The following NUBPL variants were observed in gnomAD, a reference collection of about 807,000 sequenced individuals.
The protein encoded by NUBPL is NUBP iron-sulfur cluster assembly factor, mitochondrial, also known as iron-sulfur cluster transfer protein NUBPL.
A neutral mutation model predicts 45.7 loss-of-function variants in NUBPL; 31 were observed. The observed-to-expected ratio is 0.68, with a 90% CI of 0.51 to 0.92. NUBPL has a LOEUF of 0.92. Ranked by LOEUF, NUBPL falls within the 40% of genes least tolerant of loss-of-function variation. The pLI is 0.00. For missense variants in NUBPL, 401 were observed against 398.7 expected (o/e 1.01, Z -0.05); for synonymous variants, 144 against 140.9 (o/e 1.02, Z -0.15).
intron 7 of NUBPL, among the ~76,000 whole-genome samples, chr14:31,798,358 G>T (rs2039508736): frequency 8.1e-6 from 1 of 124,038 alleles, no homozygotes; most frequent in Non-Finnish European, 1.6e-5. Flanking sequence ...GTCAGTTGAT[G>T]CCTTTTAGTA....
chr14:31,631,486 C>A (rs1204740438), intron 4 of NUBPL, among the ~76,000 whole-genome samples: 2 of 151,534 alleles, frequency 1.3e-5, no homozygotes, highest in East Asian at 3.9e-4. Context: ...ACACACACCC[C>A]CACCCCACCC....
At chr14:31,669,812 T>G (rs1474055322) in intron 4 of NUBPL, among the ~76,000 whole-genome samples, 3 of 148,410 alleles carry the variant, frequency 2.0e-5, no homozygotes, top group Non-Finnish European at 4.5e-5. Flanking sequence ...TTTTTTTGTT[T>G]TTTTTTTTTT....
intron 3 of NUBPL, among the ~76,000 whole-genome samples, chr14:31,582,874 T>A (rs549244086): frequency 2.0e-5 from 3 of 152,262 alleles, no homozygotes; most frequent in Non-Finnish European, 4.4e-5. Flanking sequence ...AAAGGAAAAT[T>A]TGAAGATTTA....
intron 4 of NUBPL, among the ~76,000 whole-genome samples, chr14:31,618,882 TG>T (rs1322937492): frequency 6.6e-6 from 1 of 152,120 alleles, no homozygotes; most frequent in African/African-American, 2.4e-5. Context: ...ATATTGACAG[TG>T]GGGTGTTAAA....
intron 6 of NUBPL, among the ~76,000 whole-genome samples, chr14:31,740,955 C>T (rs2038269918): frequency 6.6e-6 from 1 of 152,204 alleles, no homozygotes; most frequent in South Asian, 2.1e-4. Flanking sequence ...TCTTCTCCAG[C>T]ATTTCTTTTT....
intron 6 of NUBPL, among the ~76,000 whole-genome samples, chr14:31,741,017 T>C (rs1215360380): frequency 6.6e-6 from 1 of 152,218 alleles, no homozygotes; most frequent in African/African-American, 2.4e-5. Context: ...TTGCACACTG[T>C]TTACTTTGTC....
At chr14:31,768,967 G>C (rs965895442) in intron 6 of NUBPL, among the ~76,000 whole-genome samples, 1 of 152,164 alleles carries the variant, frequency 6.6e-6, no homozygotes, top group Admixed American at 6.5e-5. Context: ...TTTGGGCCAA[G>C]CTTGAGGATT....
chr14:31,731,987 G>C (rs1305118251), intron 6 of NUBPL, among the ~76,000 whole-genome samples: 1 of 151,798 alleles, frequency 6.6e-6, no homozygotes, highest in Admixed American at 6.6e-5. Context: ...CGGATCACGA[G>C]GTCAGGAGAG....
intron 8 of NUBPL, among the ~76,000 whole-genome samples, chr14:31,829,522 T>G (rs1336863908): frequency 2.0e-5 from 3 of 152,186 alleles, no homozygotes; most frequent in South Asian, 4.1e-4. Context: ...CCTCTGGGCC[T>G]TAAGAGCCAG....
At chr14:31,698,047 C>A (rs2037251869) in intron 6 of NUBPL, among the ~76,000 whole-genome samples, 1 of 152,048 alleles carries the variant, frequency 6.6e-6, no homozygotes, top group South Asian at 2.1e-4. Context: ...AGATTATGAC[C>A]TCTTTTTACT....
chr14:31,779,744 G>C (rs796987282), intron 6 of NUBPL, among the ~76,000 whole-genome samples: 64 of 152,320 alleles, frequency 4.2e-4, no homozygotes, highest in African/African-American at 1.5e-3. Flanking sequence ...ACAGTGCACA[G>C]AGTTACAATC....
chr14:31,678,172 G>T (rs1189672858), intron 6 of NUBPL, among the ~76,000 whole-genome samples: 1 of 152,134 alleles, frequency 6.6e-6, no homozygotes, highest in African/African-American at 2.4e-5. Flanking sequence ...GGTGAAGGTT[G>T]TCAGGCCTGA....
Position 31,748,681 on chromosome 14 carries a change from C to T in NUBPL, c.514-39099C>T, listed in dbSNP as rs558365909. Among the ~76,000 whole-genome samples the T allele has an allele frequency of 1.4e-4, 21 of 152,160 alleles. No homozygotes were observed. The South Asian group carries it at 2.9e-3, about 21-fold the overall frequency. ...AGGTTGGTATGCAGTGGAGCGATCT[C>T]GGCTCACTGCAACCTCTGCCTCCCG... On this transcript the variant is annotated intron_variant, in intron 6 of 10. Transcript: ENST00000281081.
chr14:31,749,707 G>A (rs2038479717), intron 6 of NUBPL, among the ~76,000 whole-genome samples: 1 of 151,750 alleles, frequency 6.6e-6, no homozygotes, highest in East Asian at 1.9e-4. Flanking sequence ...TTCTATTTGG[G>A]GACTTTTGAG....
chr14:31,831,463 T>C (rs141570532), intron 8 of NUBPL, among the ~76,000 whole-genome samples: 22 of 56,300 alleles, frequency 3.9e-4, no homozygotes, highest in African/African-American at 9.0e-4. Context: ...TATACTATAC[T>C]GTACTATACC....
At chr14:31,735,709 G>A (rs1166048352) in intron 6 of NUBPL, among the ~76,000 whole-genome samples, 6 of 151,920 alleles carry the variant, frequency 3.9e-5, no homozygotes, top group East Asian at 3.9e-4. Context: ...AAAATTAGCC[G>A]GGCGTCGTCG....
intron 6 of NUBPL, among the ~76,000 whole-genome samples, chr14:31,705,065 T>G (rs2037417745): frequency 6.6e-6 from 1 of 152,038 alleles, no homozygotes; most frequent in Non-Finnish European, 1.5e-5. Flanking sequence ...GTTTATTCCT[T>G]CCAGTGGGTT....
At chr14:31,826,391 G>A (rs1200821177) in intron 7 of NUBPL, among the ~76,000 whole-genome samples, 1 of 152,290 alleles carries the variant, frequency 6.6e-6, no homozygotes, top group East Asian at 1.9e-4. Context: ...AAAATGCTGG[G>A]ATTATAGGTG....
intron 8 of NUBPL, among the ~76,000 whole-genome samples, chr14:31,834,730 C>G (rs931840334): frequency 1.4e-4 from 22 of 152,100 alleles, no homozygotes; most frequent in Non-Finnish European, 1.5e-5. Flanking sequence ...TCACAACAAC[C>G]CTGTGAAATA....
Sources: allele counts gnomAD v4.1 joint callset (sites outside exome capture counted in the v4.1 genomes callset), GRCh38; gene constraint gnomAD v4.1.1; transcripts MANE v1.5; gene names NCBI Gene and HGNC (gene_info 2026-07-23, HGNC 2026-07-21).